Variants in AK8 observed in about 807,000 individuals in gnomAD.
AK8 encodes adenylate kinase 8.
In AK8, 44 loss-of-function variants were observed where a neutral mutation model predicts 54.6. The observed-to-expected ratio is 0.81, with a 90% CI of 0.63 to 1.04. The LOEUF (loss-of-function observed/expected upper bound fraction) is 1.04, where lower values mean the gene tolerates loss of function less well. Ranked by LOEUF, AK8 falls within the 50% of genes least tolerant of loss-of-function variation. AK8 has a pLI of 0.00. For missense variants in AK8, 555 were observed against 613.6 expected (o/e 0.90, Z 1.01); for synonymous variants, 239 against 245.6 (o/e 0.97, Z 0.25).
intron 11 of AK8, among the ~76,000 whole-genome samples, chr9:132,752,703 C>G (rs1157967364): frequency 1.0e-5 from 1 of 95,380 alleles, no homozygotes; most frequent in Admixed American, 1.1e-4. Context: ...TGGCCCAGGA[C>G]ATGGACGCTG....
At chr9:132,875,288 A>C in intron 1 of AK8, 89 bp from the exon 2 acceptor site, 2 of 1,539,774 alleles carry the variant, frequency 1.3e-6, no homozygotes, top group South Asian at 1.2e-5. Context: ...TGCTCTCTCC[A>C]CTGCACCCCA....
rs557322350 is a variant in AK8 at position 132,749,433 on chromosome 9, G to A, written c.1122-21899C>T. ...GCTCTTGTGCGAGGCCCCTCGTAAG[G>A]TGTGCTGGCTCTTCAGGTGCCCCGT... On this transcript the variant is annotated intron_variant, in intron 11 of 12. Transcript: ENST00000298545. 1.8e-4 allele frequency among the ~76,000 whole-genome samples: 28 copies of A among 151,936 alleles called. 1 individual carries two copies. The highest frequency in any genetic ancestry group is 3.5e-4 in the Non-Finnish European group (24 of 67,904).
chr9:132,872,323 C>A (rs533131141), intron 2 of AK8, among the ~76,000 whole-genome samples: 2 of 148,742 alleles, frequency 1.3e-5, no homozygotes, highest in Admixed American at 1.3e-4. Flanking sequence ...GCAACAGAGA[C>A]CCTGTCTCTA....
rs545444958 is a variant in AK8 at position 132,757,636 on chromosome 9, T to C, written c.1122-30102A>G. On this transcript the variant is annotated intron_variant, in intron 11 of 12. Coordinates refer to ENST00000298545, the MANE Select transcript of AK8 (RefSeq NM_152572.3). The stretch of plus-strand genomic sequence containing the variant: ...ACTTTGCAAGTGAAGAAACTGAGGC[T>C]CCGAAAGGCGGCAACCGCAGAGGTG... Among the ~76,000 whole-genome samples the C allele has an allele frequency of 4.9e-4, 74 of 152,292 alleles. 1 individual carries two copies. Among genetic ancestry groups the C allele is most frequent in the African/African-American group, 1.7e-3 (72 of 41,566 alleles).
intron 2 of AK8, among the ~76,000 whole-genome samples, chr9:132,873,738 CA>C (rs1006196768): frequency 9.2e-5 from 14 of 151,986 alleles, no homozygotes; most frequent in African/African-American, 3.4e-4. Flanking sequence ...AGGGTGGGGG[CA>C]GGGGGGAATG....
intron 5 of AK8, among the ~76,000 whole-genome samples, chr9:132,851,813 T>G (rs984628136): frequency 3.3e-5 from 5 of 152,174 alleles, no homozygotes; most frequent in African/African-American, 1.2e-4. Flanking sequence ...ATAATGACAT[T>G]TGCCATAGGA....
At chr9:132,730,456 T>A (rs1836785193) in intron 11 of AK8, among the ~76,000 whole-genome samples, 1 of 128,956 alleles carries the variant, frequency 7.8e-6, no homozygotes. Context: ...TTTTTTTCCA[T>A]CCTTGCCAAA....
intron 11 of AK8, among the ~76,000 whole-genome samples, chr9:132,750,175 A>G (rs1159294605): frequency 2.6e-5 from 4 of 151,624 alleles, no homozygotes; most frequent in Non-Finnish European, 4.4e-5. Flanking sequence ...CTGGAGTGCA[A>G]TGGTGCGATC....
At chr9:132,796,273 T>C (rs1012053555) in intron 10 of AK8, among the ~76,000 whole-genome samples, 1 of 152,198 alleles carries the variant, frequency 6.6e-6, no homozygotes, top group Non-Finnish European at 1.5e-5. Context: ...ACAAAGTTTC[T>C]CAACTGAGGA....
rs140490437 is a variant in AK8 at position 132,866,474 on chromosome 9, G to A, written c.219+430C>T. On this transcript the variant is annotated intron_variant, in intron 3 of 12. Coordinates refer to ENST00000298545, the MANE Select transcript of AK8 (RefSeq NM_152572.3). Reference sequence around the variant, plus strand: ...GTGAATATCGATGGTACAGTTTGCTGTGCTTTTCTGATTCTTTTAAGTATT... The same window carrying A: ...GTGAATATCGATGGTACAGTTTGCTATGCTTTTCTGATTCTTTTAAGTATT... Among the ~76,000 whole-genome samples the A allele has an allele frequency of 1.9e-4, 29 of 152,306 alleles. No individual in the cohort carries two copies. In the East Asian group the frequency reaches 5.4e-3, roughly 28 times the overall value.
intron 11 of AK8, among the ~76,000 whole-genome samples, chr9:132,789,597 C>CAAAAAAAAAAAAAAAAAAAAAA (rs578003731): frequency 7.7e-4 from 44 of 57,476 alleles, no homozygotes; most frequent in Non-Finnish European, 9.9e-4. Context: ...ACTCATCTCA[C>CAAAAAAAAAAAAAAAAAAAAAA]AAAAAAAAAA....
chr9:132,742,291 C>T (rs1158567122), intron 11 of AK8, among the ~76,000 whole-genome samples: 5 of 151,816 alleles, frequency 3.3e-5, no homozygotes, highest in Non-Finnish European at 7.4e-5. Flanking sequence ...CCTCCCACTT[C>T]AGCCTCCCTA....
At chr9:132,867,164 C>T (rs1843634233) in intron 2 of AK8, among the ~76,000 whole-genome samples, 1 of 152,142 alleles carries the variant, frequency 6.6e-6, no homozygotes, top group Non-Finnish European at 1.5e-5. Context: ...ATGGTTTATT[C>T]TTCTGCCTCC....
rs140084214 is a variant in AK8, at chr9:132,792,656, G to A, written c.1099C>T (p.Arg367Cys). The A allele has an allele frequency of 7.5e-4, 1,165 of 1,554,146 alleles. No individual in the cohort carries two copies. The highest frequency in any genetic ancestry group is 9.4e-4 in the Non-Finnish European group (1,084 of 1,149,358). ...RDLDQAHLLNRLGYNPNRVFF... is the reference protein window; with the variant it reads ...RDLDQAHLLNCLGYNPNRVFF... The stretch of plus-strand genomic sequence containing the variant: ...CACCTGTTGGGATTGTAGCCCAGGC[G>A]GTTCAGCAGGTGTGCCTGGTCGAGG... The change falls in exon 11 of 13, where the codon CGC (arginine) becomes TGC (cysteine). Residue 367 changes from arginine (R) to cysteine (C), a missense_variant. Transcript: ENST00000298545.
chr9:132,848,219 T>G (rs1390230334), intron 5 of AK8, among the ~76,000 whole-genome samples: 1 of 150,810 alleles, frequency 6.6e-6, no homozygotes, highest in Admixed American at 6.6e-5. Flanking sequence ...CTAATCCAAC[T>G]TGGCAAATGC....
chr9:132,821,182 C>T (rs1484064977), intron 9 of AK8, among the ~76,000 whole-genome samples: 3 of 151,866 alleles, frequency 2.0e-5, no homozygotes, highest in Admixed American at 6.6e-5. Context: ...AACAGAGCAC[C>T]GAGACAATTA....
chr9:132,792,795 G>A lies in AK8; in HGVS notation c.980-20C>T, dbSNP rs1840003177. The A allele has an allele frequency of 6.4e-7, 1 of 1,551,340 alleles. No individual in the cohort carries two copies. Among genetic ancestry groups the A allele is most frequent in the Middle Eastern group, 1.8e-4 (1 of 5,486 alleles). On this transcript the variant is annotated intron_variant, in intron 10 of 12. Coordinates refer to ENST00000298545, the MANE Select transcript of AK8 (RefSeq NM_152572.3). ...CAGGAACTGCAGAGAAGGGGGGCAA[G>A]TGAGTACCCTGCTGGCCGGCAGCCC...
intron 2 of AK8, among the ~76,000 whole-genome samples, chr9:132,872,956 C>A (rs192586100): frequency 1.3e-5 from 2 of 152,168 alleles, no homozygotes; most frequent in Non-Finnish European, 2.9e-5. Flanking sequence ...GGACTACAGG[C>A]GCCCGCCACC....
At chr9:132,818,236 G>A (rs193084289) in intron 9 of AK8, among the ~76,000 whole-genome samples, 4 of 152,300 alleles carry the variant, frequency 2.6e-5, no homozygotes, top group Non-Finnish European at 4.4e-5. Context: ...CAGGCTGAGA[G>A]GAAATGATAC....
Sources: allele counts gnomAD v4.1 joint callset (sites outside exome capture counted in the v4.1 genomes callset), GRCh38; gene constraint gnomAD v4.1.1; transcripts MANE v1.5; gene names NCBI Gene and HGNC (gene_info 2026-07-23, HGNC 2026-07-21).